MAX: variants seen among roughly 807,000 people sequenced by gnomAD.
MAX encodes MYC associated transcriptional regulator X.
In MAX, 3 loss-of-function variants were observed where a neutral mutation model predicts 22.3. The observed-to-expected ratio is 0.13, with a 90% confidence interval of 0.06 to 0.35. MAX has a LOEUF of 0.35. Ranked by LOEUF, MAX falls within the 10% of genes least tolerant of loss-of-function variation. The pLI is 1.00. For synonymous variants in MAX, 72 were observed against 77.7 expected, an observed-to-expected ratio of 0.93 and a Z score of 0.39; for missense variants, 119 against 209.4, an observed-to-expected ratio of 0.57 and a Z score of 2.66.
intron 3 of MAX, among the ~76,000 whole-genome samples, chr14:65,039,199 GT>G: frequency 6.6e-6 from 1 of 152,184 alleles, no homozygotes; most frequent in Non-Finnish European, 1.5e-5. Context: ...TGTCTGTAGG[GT>G]TTTTCCCTTG....
At chr14:65,038,769 C>G (rs1014177220) in intron 3 of MAX, among the ~76,000 whole-genome samples, 1 of 152,132 alleles carries the variant, frequency 6.6e-6, no homozygotes, top group African/African-American at 2.4e-5. Context: ...TCGTTTCCAT[C>G]TCTTAATCCT....
At chr14:65,102,181 C>T (rs2063866855) in intron 1 of MAX, 123 bp downstream of exon 1, 2 of 1,539,536 alleles carry the variant, frequency 1.3e-6, no homozygotes, top group African/African-American at 1.4e-5. Context: ...CACTCCTGGC[C>T]CCGAGGGGAA....
intron 3 of MAX, among the ~76,000 whole-genome samples, chr14:65,055,505 T>A (rs8011585): frequency 0.49 from 74,508 of 151,422 alleles, 20,634 homozygotes; most frequent in African/African-American, 0.77. Context: ...TTTAAAAAAA[T>A]TTTTTTTTTA....
Position 65,062,805 on chromosome 14 carries a change from C to T in MAX, c.171+30903G>A, listed in dbSNP as rs1029534143. ...ATGACCGAGTTCCATCCTCACATGC[C>T]GTCTCCTCCAGTAGAGGAAGCCGTG... On this transcript the variant is annotated intron_variant, in intron 3 of 3. Transcript: ENST00000341653. This position sits in a 1 kb window ranked among gnomAD's most constrained non-coding sequence, Gnocchi z 4.3. Among the ~76,000 whole-genome samples the T allele has an allele frequency of 2.0e-5, 3 of 152,138 alleles. No homozygotes were observed. Among genetic ancestry groups the T allele is most frequent in the African/African-American group, 4.8e-5 (2 of 41,426 alleles).
At chr14:65,057,050 T>G (rs1352098377) in intron 3 of MAX, among the ~76,000 whole-genome samples, 1 of 152,152 alleles carries the variant, frequency 6.6e-6, no homozygotes, top group Non-Finnish European at 1.5e-5. Context: ...CCTCAAGGAC[T>G]AATCCAGACT....
chr14:65,076,022 T>A lies in MAX; in HGVS notation c.*454A>T, dbSNP rs1263123821. ...TTCTGATTACTCCAAACCGGTCATC[T>A]TCTCAAAGTAGAGCAGTTCAGATTC... On this transcript the variant is annotated 3_prime_UTR_variant, in exon 5 of 5. Coordinates refer to ENST00000358664, the MANE Select transcript of MAX (RefSeq NM_002382.5). This position sits in a 1 kb window ranked among gnomAD's most constrained non-coding sequence, Gnocchi z 6.6. 1.8e-6 allele frequency: 2 copies of A among 1,110,468 alleles called. No homozygotes were observed. The highest frequency in any genetic ancestry group is 2.2e-6 in the Non-Finnish European group (2 of 907,334). 68.8% of individuals were successfully genotyped at this position (1,110,468 alleles called of 1,614,324 possible). A position where few individuals can be genotyped will look rare whatever the true frequency, so the allele number is the denominator to read the frequency against.
At position 65,084,844 on chromosome 14, in the gene MAX, T is replaced by A. The variant is rs2139804415; in HGVS notation, c.172-6808A>T. 6.6e-6 allele frequency among the ~76,000 whole-genome samples: 1 copy of A among 152,356 alleles called. No individual in the cohort carries two copies. Among genetic ancestry groups the A allele is most frequent in the Admixed American group, 6.5e-5 (1 of 15,310 alleles). ...ACAAATTGATAACACTATATTTCCTTGCTTGTTAGACTCCATCAATAAATC... is the reference window on the plus strand; with the variant it reads ...ACAAATTGATAACACTATATTTCCTAGCTTGTTAGACTCCATCAATAAATC... On this transcript the variant is annotated intron_variant, in intron 3 of 4. Transcript: ENST00000358664. This position sits in a 1 kb window ranked among gnomAD's most constrained non-coding sequence, Gnocchi z 4.3.
At position 65,077,648 on chromosome 14, in the gene MAX, G is replaced by A. The variant is rs1252225744; in HGVS notation, c.295+265C>T. The A allele has an allele frequency of 5.1e-6, 7 of 1,366,324 alleles. No individual in the cohort carries two copies. The highest frequency in any genetic ancestry group is 1.2e-5 in the South Asian group (1 of 80,056). 84.6% of individuals were successfully genotyped at this position (1,366,324 alleles called of 1,614,324 possible). A position where few individuals can be genotyped will look rare whatever the true frequency, so the allele number is the denominator to read the frequency against. ...TCCCTACTGCAGGCAGAGCACCTGA[G>A]CCCCAAGAAGGGGAGAGGTCAGGCC... On this transcript the variant is annotated intron_variant, in intron 4 of 4. Coordinates refer to ENST00000358664, the MANE Select transcript of MAX (RefSeq NM_002382.5). The surrounding 1 kb of genome is among the most constrained non-coding windows in gnomAD (Gnocchi z 6.3).
rs1487331797 is a variant in MAX, at chr14:65,079,752, A to T, written c.172-1716T>A. On this transcript the variant is annotated intron_variant, in intron 3 of 4. Coordinates refer to ENST00000358664, the MANE Select transcript of MAX (RefSeq NM_002382.5). The surrounding 1 kb of genome is among the most constrained non-coding windows in gnomAD (Gnocchi z 4.5). ...CCAGATCTACTCATATTAAATCCTA[A>T]CAATCTCAATTTATAGGCCTCAGTT... is the stretch of plus-strand genomic sequence containing the variant. 6.6e-6 allele frequency among the ~76,000 whole-genome samples: 1 copy of T among 152,184 alleles called. No individual in the cohort carries two copies. The highest frequency in any genetic ancestry group is 1.5e-5 in the Non-Finnish European group (1 of 68,028).
chr14:65,029,073 A>G lies in MAX; in HGVS notation c.172-22789T>C, dbSNP rs1167163877. 6.6e-6 allele frequency among the ~76,000 whole-genome samples: 1 copy of G among 152,032 alleles called. No homozygotes were observed. The highest frequency in any genetic ancestry group is 1.5e-5 in the Non-Finnish European group (1 of 68,018). On this transcript the variant is annotated intron_variant, in intron 3 of 3. Coordinates refer to the MAX transcript ENST00000341653. The surrounding 1 kb of genome is among the most constrained non-coding windows in gnomAD (Gnocchi z 4.7). Reference sequence around the variant, plus strand: ...TAGATAAATGCTAGGAAACTTCTCCAGTAAGGCAGCTTGGTTCCCCTGCCA... The same window carrying G: ...TAGATAAATGCTAGGAAACTTCTCCGGTAAGGCAGCTTGGTTCCCCTGCCA...
At chr14:65,039,680 G>C (rs968518159) in intron 3 of MAX, among the ~76,000 whole-genome samples, 1 of 152,140 alleles carries the variant, frequency 6.6e-6, no homozygotes, top group Non-Finnish European at 1.5e-5. Context: ...TTTTGTGTCA[G>C]TATAAAGGAA....
Position 65,047,947 on chromosome 14 carries a change from G to T in MAX, c.172-41663C>A, listed in dbSNP as rs1414567139. The stretch of plus-strand genomic sequence containing the variant: ...GGGTACCTTTGGGAGAAGAGAAGCA[G>T]ACAGAAGACAGAAGGAGGGAGACTT... On this transcript the variant is annotated intron_variant, in intron 3 of 3. Coordinates refer to the MAX transcript ENST00000341653. This position sits in a 1 kb window ranked among gnomAD's most constrained non-coding sequence, Gnocchi z 5.2. Among the ~76,000 whole-genome samples, 1 of 148,052 alleles carries T rather than the reference G, an allele frequency of 6.8e-6. No individual in the cohort carries two copies. The highest frequency in any genetic ancestry group is 1.5e-5 in the Non-Finnish European group (1 of 67,168).
chr14:65,085,671 G>C (rs1337445013), intron 3 of MAX, among the ~76,000 whole-genome samples: 1 of 152,156 alleles, frequency 6.6e-6, no homozygotes, highest in African/African-American at 2.4e-5. Flanking sequence ...AGTTCTAAGG[G>C]AGGGGCAGTA....
intron 3 of MAX, among the ~76,000 whole-genome samples, chr14:65,087,979 T>C (rs1249352068): frequency 2.6e-5 from 4 of 152,198 alleles, no homozygotes; most frequent in Non-Finnish European, 5.9e-5. Flanking sequence ...CAAGATCTGA[T>C]GGTTTTAAAA....
rs2061684135 is a variant in MAX at position 65,011,563 on chromosome 14, C to T, written c.172-5279G>A. 6.6e-6 allele frequency among the ~76,000 whole-genome samples: 1 copy of T among 152,018 alleles called. No homozygotes were observed. Among genetic ancestry groups the T allele is most frequent in the African/African-American group, 2.4e-5 (1 of 41,400 alleles). On this transcript the variant is annotated intron_variant, in intron 3 of 3. Transcript: ENST00000341653. This position sits in a 1 kb window ranked among gnomAD's most constrained non-coding sequence, Gnocchi z 4.0. ...GTTCTCTTTCCTTTGTTTCTGTAAT[C>T]TGCAAGCACGGGGAACATCTTGACA... is the stretch of plus-strand genomic sequence containing the variant.
At position 65,031,979 on chromosome 14, in the gene MAX, C is replaced by CGTGTGTGT. The variant is rs563468928; in HGVS notation, c.172-25703_172-25696dup. ...ATAGACGTGCGCCTTTTTCATTTAA[C>CGTGTGTGT]GTGTGTGTGTGTGTGTGTGTGTGTG... On this transcript the variant is annotated intron_variant, in intron 3 of 3. Coordinates refer to the MAX transcript ENST00000341653. This position sits in a 1 kb window ranked among gnomAD's most constrained non-coding sequence, Gnocchi z 4.6. 4.7e-3 allele frequency among the ~76,000 whole-genome samples: 671 copies of CGTGTGTGT among 141,280 alleles called. 4 individuals are homozygous for CGTGTGTGT. The highest frequency in any genetic ancestry group is 0.037 in the East Asian group (175 of 4,668). The allele number at this position is 141,280 out of a possible 152,430, so 92.7% of individuals were successfully genotyped here.
In MAX at chr14:65,078,288, G is replaced by A. The variant is rs940686194; in HGVS notation, c.172-252C>T. Among the ~76,000 whole-genome samples, 4 of 152,088 alleles carry A rather than the reference G, an allele frequency of 2.6e-5. No homozygotes were observed. The highest frequency in any genetic ancestry group is 3.9e-4 in the East Asian group (2 of 5,170). On this transcript the variant is annotated intron_variant, in intron 3 of 4. Coordinates refer to ENST00000358664, the MANE Select transcript of MAX (RefSeq NM_002382.5). The surrounding 1 kb of genome is among the most constrained non-coding windows in gnomAD (Gnocchi z 6.4). Reference sequence around the variant, plus strand: ...GTGATCTTGGCTGACAGCAACCTCCGCCTCCTGGGTTCAAGTGATTCTCCT... The same window carrying A: ...GTGATCTTGGCTGACAGCAACCTCCACCTCCTGGGTTCAAGTGATTCTCCT...
chr14:65,083,844 A>C, intron 3 of MAX: 1 of 1,194,330 alleles, frequency 8.4e-7, no homozygotes, highest in Non-Finnish European at 1.0e-6. Flanking sequence ...TATGAAGGTA[A>C]AGGGAGGGCC....
In MAX at chr14:65,075,923, T is replaced by C. The variant is rs1429405972; in HGVS notation, c.*553A>G. 6.6e-6 allele frequency: 7 copies of C among 1,068,084 alleles called. No individual in the cohort carries two copies. The highest frequency in any genetic ancestry group is 1.0e-4 in the Admixed American group (2 of 19,200). 66.2% of individuals were successfully genotyped at this position (1,068,084 alleles called of 1,614,324 possible). On this transcript the variant is annotated 3_prime_UTR_variant, in exon 5 of 5. Coordinates refer to ENST00000358664, the MANE Select transcript of MAX (RefSeq NM_002382.5). The surrounding 1 kb of genome is among the most constrained non-coding windows in gnomAD (Gnocchi z 4.1). ...ACCACAAACTTCTCTAAGGATCTGG[T>C]CTTTCAATAGGAGCGATACATAGCT...
Sources: allele counts gnomAD v4.1 joint callset (sites outside exome capture counted in the v4.1 genomes callset), GRCh38; gene constraint gnomAD v4.1.1; non-coding constraint Gnocchi (gnomAD v3.1); transcripts MANE v1.5; gene names NCBI Gene and HGNC (gene_info 2026-07-23, HGNC 2026-07-21).